Variants in THADA observed in about 807,000 individuals in gnomAD.
The protein encoded by THADA is tRNA (32-2'-O)-methyltransferase regulator THADA.
A neutral mutation model predicts 219.8 loss-of-function variants in THADA; 213 were observed. The ratio of observed to expected loss-of-function variants is 0.97; its 90% CI spans 0.87 to 1.09. The LOEUF is 1.09. THADA is among the 50% of genes least tolerant of loss of function. The pLI is 0.00. For synonymous variants in THADA, 1,018 were observed against 828.9 expected, an observed-to-expected ratio of 1.23 and a Z score of -3.92; for missense variants, 2,956 against 2,311.3, an observed-to-expected ratio of 1.28 and a Z score of -5.72.
Position 43,398,156 on chromosome 2 carries a change from A to G in THADA, c.4059-17T>C. 6.2e-7 allele frequency: 1 copy of G among 1,611,852 alleles called. No individual in the cohort carries two copies. ...TGACCACACCTGGGGAGAAATAAAA[A>G]CACAAGACCATTCAATAGTCATCTC... On this transcript the variant is annotated splice_polypyrimidine_tract_variant and intron_variant, in intron 28 of 37. Coordinates refer to ENST00000405975, the MANE Select transcript of THADA (RefSeq NM_022065.5).
intron 29 of THADA, among the ~76,000 whole-genome samples, chr2:43,382,389 T>C (rs1672150142): frequency 6.6e-6 from 1 of 152,182 alleles, no homozygotes; most frequent in South Asian, 2.1e-4. Flanking sequence ...TATTCTTAAG[T>C]AAGAAGTTTA....
intron 15 of THADA, chr2:43,562,658 G>A (rs1277753636): frequency 6.6e-6 from 1 of 152,186 alleles, no homozygotes; most frequent in Non-Finnish European, 1.5e-5. Context: ...AGAAGGACTG[G>A]TGTAATTCTT....
intron 26 of THADA, among the ~76,000 whole-genome samples, chr2:43,480,646 TA>T (rs984183706): frequency 6.0e-4 from 87 of 144,890 alleles, no homozygotes; most frequent in South Asian, 1.8e-3. Context: ...CCATTTCTAC[TA>T]AAAAAAAAAA....
intron 28 of THADA, among the ~76,000 whole-genome samples, chr2:43,419,867 C>T (rs574210333): frequency 1.3e-5 from 2 of 152,164 alleles, no homozygotes; most frequent in African/African-American, 4.8e-5. Context: ...GACTTAAATG[C>T]AACACTCAGG....
chr2:43,409,562 T>C (rs1346080865), intron 28 of THADA, among the ~76,000 whole-genome samples: 1 of 152,150 alleles, frequency 6.6e-6, no homozygotes, highest in Non-Finnish European at 1.5e-5. Context: ...CCTTTGGTTA[T>C]CCCAGTACCC....
intron 29 of THADA, chr2:43,372,125 A>G (rs1670878960): frequency 6.6e-6 from 1 of 152,234 alleles, no homozygotes. Flanking sequence ...GTGGTCAGCT[A>G]AACAATTTTT....
chr2:43,244,180 G>C (rs1337491434), intron 36 of THADA, among the ~76,000 whole-genome samples: 1 of 152,098 alleles, frequency 6.6e-6, no homozygotes, highest in Non-Finnish European at 1.5e-5. Context: ...ATGAAAATAA[G>C]CAATTCATAA....
chr2:43,470,836 C>A (rs11124938), intron 26 of THADA, among the ~76,000 whole-genome samples: 30,835 of 152,128 alleles, frequency 0.2, 3,365 homozygotes, highest in Non-Finnish European at 0.25. Flanking sequence ...CGCAGTTTCA[C>A]TAGACTTAGC....
chr2:43,558,201 G>C (rs1697620389), intron 16 of THADA, among the ~76,000 whole-genome samples: 1 of 152,114 alleles, frequency 6.6e-6, no homozygotes, highest in South Asian at 2.1e-4. Flanking sequence ...TAGGTGAGTA[G>C]GATAGTCAAG....
intron 22 of THADA, among the ~76,000 whole-genome samples, chr2:43,525,162 T>C (rs951402579): frequency 6.6e-6 from 1 of 152,220 alleles, no homozygotes; most frequent in African/African-American, 2.4e-5. Flanking sequence ...CAACTTCCTT[T>C]GTTTTGTTAA....
At chr2:43,473,533 G>T (rs1017761170) in intron 26 of THADA, among the ~76,000 whole-genome samples, 3 of 151,936 alleles carry the variant, frequency 2.0e-5, no homozygotes, top group Non-Finnish European at 4.4e-5. Flanking sequence ...AACAATAAAA[G>T]ATATATTATA....
intron 28 of THADA, among the ~76,000 whole-genome samples, chr2:43,424,282 G>A (rs75966614): frequency 2.0e-5 from 3 of 152,184 alleles, no homozygotes; most frequent in East Asian, 3.8e-4. Context: ...TCTTGTTGGC[G>A]CTTTTAATCT....
At chr2:43,592,072 T>C in intron 2 of THADA, 26 bp from the exon 3 acceptor site, 10 of 1,499,602 alleles carry the variant, frequency 6.7e-6, no homozygotes, top group Non-Finnish European at 8.0e-6. Flanking sequence ...AAAAAAAAAT[T>C]TTCAATGATT....
intron 24 of THADA, 33 bp from the exon 25 acceptor site, chr2:43,498,988 T>A: frequency 6.5e-7 from 1 of 1,547,604 alleles, no homozygotes; most frequent in Non-Finnish European, 8.7e-7. Flanking sequence ...AGTTGTGGGT[T>A]GAAAACCATG....
intron 28 of THADA, among the ~76,000 whole-genome samples, chr2:43,407,186 G>A (rs1675658453): frequency 6.6e-6 from 1 of 152,176 alleles, no homozygotes; most frequent in African/African-American, 2.4e-5. Flanking sequence ...ATCCTTTAGA[G>A]CAAGAGATTC....
chr2:43,371,986 T>C (rs995106848), intron 29 of THADA: 2 of 152,174 alleles, frequency 1.3e-5, no homozygotes, highest in African/African-American at 4.8e-5. Flanking sequence ...TTTCTGATGG[T>C]TGGGATAACT....
intron 29 of THADA, among the ~76,000 whole-genome samples, chr2:43,352,906 C>A (rs1302578490): frequency 6.6e-6 from 1 of 152,146 alleles, no homozygotes; most frequent in Non-Finnish European, 1.5e-5. Context: ...TACTCCAACC[C>A]TGGTAACCAC....
chr2:43,407,183 A>G (rs1481158110), intron 28 of THADA, among the ~76,000 whole-genome samples: 1 of 152,188 alleles, frequency 6.6e-6, no homozygotes, highest in African/African-American at 2.4e-5. Context: ...ATTATCCTTT[A>G]GAGCAAGAGA....
At chr2:43,512,588 C>A (rs562368756) in intron 22 of THADA, among the ~76,000 whole-genome samples, 12 of 152,212 alleles carry the variant, frequency 7.9e-5, no homozygotes, top group African/African-American at 2.9e-4. Flanking sequence ...CTGCAACCTC[C>A]GCCTCCCAGA....
Sources: allele counts gnomAD v4.1 joint callset (sites outside exome capture counted in the v4.1 genomes callset), GRCh38; gene constraint gnomAD v4.1.1; transcripts MANE v1.5; gene names NCBI Gene and HGNC (gene_info 2026-07-23, HGNC 2026-07-21).